Variants in MTMR12 observed in about 807,000 individuals in gnomAD.
MTMR12 encodes the protein myotubularin related protein 12.
Under a neutral mutation model 96.7 loss-of-function variants are expected in MTMR12, and 33 were observed. The observed-to-expected ratio is 0.34, with a 90% CI of 0.26 to 0.46. MTMR12 has a LOEUF of 0.46. Ranked by LOEUF, MTMR12 falls within the 20% of genes least tolerant of loss-of-function variation. The pLI is 1.00. For synonymous variants in MTMR12, 298 were observed against 327.2 expected, an observed-to-expected ratio of 0.91 and a Z score of 0.96; for missense variants, 721 against 896.1, an observed-to-expected ratio of 0.80 and a Z score of 2.49.
rs1235202969 is a variant in MTMR12 at position 32,270,888 on chromosome 5, T to C, written c.418A>G (p.Ile140Val). Residue 140 changes from isoleucine to valine, a missense_variant, in exon 5 of 16, where the codon ATC becomes GTC. Transcript: ENST00000382142. The stretch of plus-strand genomic sequence containing the variant: ...ACTCGAAGGTCTTTGCAGTGGATGA[T>C]GAGCTTCTCAGGGTATTTCTTCAGT... ...GQLKKYPEKL[I>V]IHCKDLRVFQ... The C allele has an allele frequency of 1.2e-6, 2 of 1,613,984 alleles. No homozygotes were observed. Among genetic ancestry groups the C allele is most frequent in the African/African-American group, 1.3e-5 (1 of 74,942 alleles).
chr5:32,238,097 C>T (rs1261604854), intron 13 of MTMR12, among the ~76,000 whole-genome samples: 3 of 136,522 alleles, frequency 2.2e-5, no homozygotes, highest in African/African-American at 8.4e-5. Context: ...TGAGCTGAGA[C>T]TGCACCACTG....
chr5:32,282,691 A>C (rs1750350396), intron 1 of MTMR12, among the ~76,000 whole-genome samples: 1 of 152,128 alleles, frequency 6.6e-6, no homozygotes, highest in Non-Finnish European at 1.5e-5. Flanking sequence ...TACAAATAAG[A>C]ATCATAAAGA....
intron 8 of MTMR12, among the ~76,000 whole-genome samples, chr5:32,250,377 C>T (rs570655368): frequency 3.3e-5 from 5 of 152,332 alleles, no homozygotes; most frequent in African/African-American, 1.2e-4. Context: ...CTGCTGTAAA[C>T]AGCAACAACT....
At chr5:32,248,489 T>C (rs1748784756) in intron 9 of MTMR12, among the ~76,000 whole-genome samples, 1 of 152,172 alleles carries the variant, frequency 6.6e-6, no homozygotes, top group African/African-American at 2.4e-5. Context: ...TATTGTGACA[T>C]GTACCATGAC....
rs1751644649 is a variant in MTMR12, at chr5:32,312,630, G to T, written c.81+128C>A. 2.3e-6 allele frequency: 2 copies of T among 875,398 alleles called. No homozygotes were observed. The highest frequency in any genetic ancestry group is 3.0e-6 in the Non-Finnish European group (2 of 675,672). The allele number at this position is 875,398 out of a possible 1,614,324, so 54.2% of individuals were successfully genotyped here. A position where few individuals can be genotyped will look rare whatever the true frequency, so the allele number is the denominator to read the frequency against. ...CGCTCCTGCGGCCTCAGCCCGCCTG[G>T]CTGCCCCGTCGCCCGGCACAAGGGC... On this transcript the variant is annotated intron_variant, in intron 1 of 15. Coordinates refer to ENST00000382142, the MANE Select transcript of MTMR12 (RefSeq NM_001040446.3). This position sits in a 1 kb window ranked among gnomAD's most constrained non-coding sequence, Gnocchi z 5.0.
intron 2 of MTMR12, 85 bp downstream of exon 2, chr5:32,276,597 G>T: frequency 1.7e-6 from 2 of 1,185,388 alleles, no homozygotes; most frequent in South Asian, 1.3e-5. Context: ...AAACAAAGGA[G>T]TTTAAATATA....
At chr5:32,282,903 T>C (rs1466694294) in intron 1 of MTMR12, among the ~76,000 whole-genome samples, 1 of 152,192 alleles carries the variant, frequency 6.6e-6, no homozygotes, top group African/African-American at 2.4e-5. Context: ...GGAGCTAATA[T>C]ATTTCAATAT....
At chr5:32,294,968 T>C (rs1429647573) in intron 1 of MTMR12, among the ~76,000 whole-genome samples, 2 of 152,252 alleles carry the variant, frequency 1.3e-5, no homozygotes, top group Non-Finnish European at 2.9e-5. Context: ...GTCTCACTAA[T>C]AGAGTAGGGG....
At position 32,227,573 on chromosome 5, in the gene MTMR12, G is replaced by A. The variant is rs1747780855; in HGVS notation, c.*2205C>T. 1 of 152,576 alleles carries A rather than the reference G, an allele frequency of 6.6e-6. No individual in the cohort carries two copies. Among genetic ancestry groups the A allele is most frequent in the Non-Finnish European group, 1.5e-5 (1 of 68,036 alleles). 9.5% of individuals were successfully genotyped at this position (152,576 alleles called of 1,614,324 possible). Reference sequence around the variant, plus strand: ...TGTAGAGTGTAAAGCATCACACCGGGCATTTTTGGAATGAAAATTACAAAG... The same window carrying A: ...TGTAGAGTGTAAAGCATCACACCGGACATTTTTGGAATGAAAATTACAAAG... On this transcript the variant is annotated 3_prime_UTR_variant, in exon 16 of 16. Coordinates refer to ENST00000382142, the MANE Select transcript of MTMR12 (RefSeq NM_001040446.3).
At chr5:32,295,279 T>C (rs573826688) in intron 1 of MTMR12, among the ~76,000 whole-genome samples, 1 of 152,288 alleles carries the variant, frequency 6.6e-6, no homozygotes, top group East Asian at 1.9e-4. Context: ...CAAGCAACAA[T>C]TACTCTGACA....
chr5:32,280,651 T>G (rs926540650), intron 1 of MTMR12, among the ~76,000 whole-genome samples: 1 of 152,210 alleles, frequency 6.6e-6, no homozygotes, highest in African/African-American at 2.4e-5. Context: ...TCCAATATTT[T>G]CTCTGTGCAT....
chr5:32,277,234 A>G (rs1278342254), intron 1 of MTMR12, among the ~76,000 whole-genome samples: 1 of 152,182 alleles, frequency 6.6e-6, no homozygotes, highest in Non-Finnish European at 1.5e-5. Flanking sequence ...AAAGGAAGAC[A>G]GAAAACTCCA....
intron 1 of MTMR12, among the ~76,000 whole-genome samples, chr5:32,295,951 C>T (rs759622632): frequency 1.3e-5 from 2 of 151,790 alleles, no homozygotes; most frequent in East Asian, 1.9e-4. Flanking sequence ...GTTAGGAGTT[C>T]GAGACCGGCC....
chr5:32,263,760 A>G (rs886653928), intron 6 of MTMR12, among the ~76,000 whole-genome samples: 1 of 152,066 alleles, frequency 6.6e-6, no homozygotes, highest in Non-Finnish European at 1.5e-5. Context: ...ACATTGTAGG[A>G]ACTGAGTTCC....
At chr5:32,244,737 G>A (rs1748611744) in intron 10 of MTMR12, among the ~76,000 whole-genome samples, 1 of 152,208 alleles carries the variant, frequency 6.6e-6, no homozygotes, top group African/African-American at 2.4e-5. Flanking sequence ...TGAGTTAAGA[G>A]TCATACATTG....
Position 32,228,980 on chromosome 5 carries a change from A to G in MTMR12, c.*798T>C, listed in dbSNP as rs192086948. On this transcript the variant is annotated 3_prime_UTR_variant, in exon 16 of 16. Transcript: ENST00000382142. ...ACGCTCCTCAGGAAGGATCTCAGGC[A>G]AAGAAACAGATCCCCGCAGCGTAAC... is the stretch of plus-strand genomic sequence containing the variant. The G allele has an allele frequency of 6.6e-6, 1 of 152,264 alleles. No homozygotes were observed. The highest frequency in any genetic ancestry group is 1.9e-4 in the East Asian group (1 of 5,164). The allele number at this position is 152,264 out of a possible 1,614,324, so 9.4% of individuals were successfully genotyped here.
rs756993255 is a variant in MTMR12 at position 32,233,858 on chromosome 5, G to A, written c.1589C>T (p.Pro530Leu). The change falls in exon 15 of 16, where the codon CCC becomes CTC. Residue 530 changes from proline (P) to leucine (L), a missense_variant. Physicochemically the swap from Pro to Leu is moderately conservative, Grantham distance 98. Transcript: ENST00000382142. This position sits in a 1 kb window ranked among gnomAD's most constrained non-coding sequence, Gnocchi z 5.0. ...GTTTTTGAGCAATGTCTGGGCTTTG[G>A]GTTCAAACTGCACCGACCAATCCCA... ...TVWDWSVQFEPKAQTLLKNPL... is the reference protein window; with the variant it reads ...TVWDWSVQFELKAQTLLKNPL... 9.3e-6 allele frequency: 15 copies of A among 1,614,098 alleles called. No individual in the cohort carries two copies. Among genetic ancestry groups the A allele is most frequent in the Non-Finnish European group, 1.3e-5 (15 of 1,180,022 alleles).
At chr5:32,257,182 T>A (rs777502488) in intron 7 of MTMR12, among the ~76,000 whole-genome samples, 3 of 151,946 alleles carry the variant, frequency 2.0e-5, no homozygotes, top group Non-Finnish European at 4.4e-5. Context: ...TTAAAAAAAA[T>A]TAGCTGGACG....
At chr5:32,303,926 T>C (rs1028151819) in intron 1 of MTMR12, among the ~76,000 whole-genome samples, 5 of 151,108 alleles carry the variant, frequency 3.3e-5, no homozygotes, top group African/African-American at 1.2e-4. Context: ...AGAGTGGGTA[T>C]TTACTGGAAA....
Sources: gnomAD v4.1 joint callset for allele counts (sites outside exome capture counted in the v4.1 genomes callset) on GRCh38, gnomAD v4.1.1 for gene constraint, Gnocchi (gnomAD v3.1) non-coding constraint, MANE v1.5 for transcripts, NCBI Gene and HGNC (gene_info 2026-07-23, HGNC 2026-07-21) for gene names.